RARB: variants seen among roughly 807,000 people sequenced by gnomAD.
RARB encodes retinoic acid receptor beta, also known as HBV-activated protein.
RARB carries 17 observed loss-of-function variants against 51.9 expected under a neutral mutation model. The ratio of observed to expected loss-of-function variants is 0.33; its 90% CI spans 0.22 to 0.49. The LOEUF is 0.49. Among genes scored for constraint, RARB ranks in the 20% least tolerant of loss-of-function variants. The probability of loss-of-function intolerance (pLI) is 0.99; values close to 1 mark genes in which losing one functional copy is unlikely to be tolerated. For missense variants in RARB, 369 were observed against 550.8 expected (o/e 0.67, Z 3.30); for synonymous variants, 215 against 195.4 (o/e 1.10, Z -0.84).
intron 5 of RARB, among the ~76,000 whole-genome samples, chr3:25,297,348 C>A (rs1291454791): frequency 2.0e-5 from 3 of 150,342 alleles, no homozygotes; most frequent in Non-Finnish European, 3.0e-5. Context: ...GCCCTACAAC[C>A]TTTCCCTCCC....
chr3:24,841,608 A>C (rs1575031671), intron 1 of RARB, among the ~76,000 whole-genome samples: 1 of 152,374 alleles, frequency 6.6e-6, no homozygotes, highest in East Asian at 1.9e-4. Flanking sequence ...ATTAGTAAAA[A>C]ACAAGTAGAC....
intron 2 of RARB, among the ~76,000 whole-genome samples, chr3:24,900,134 G>A (rs1703571162): frequency 6.6e-6 from 1 of 152,170 alleles, no homozygotes; most frequent in Admixed American, 6.5e-5. Flanking sequence ...GCATTTGAAT[G>A]TTTTTCTTAT....
chr3:25,466,907 C>G (rs1259065894), intron 2 of RARB, among the ~76,000 whole-genome samples: 1 of 152,226 alleles, frequency 6.6e-6, no homozygotes, highest in Non-Finnish European at 1.5e-5. Flanking sequence ...TGTTATTCTT[C>G]TTACAACTTC....
intron 5 of RARB, among the ~76,000 whole-genome samples, chr3:25,201,749 G>A (rs1701395956): frequency 2.0e-5 from 3 of 152,294 alleles, no homozygotes; most frequent in Admixed American, 6.5e-5. Flanking sequence ...GTTTTCGTAT[G>A]TTGAACCAGC....
chr3:25,204,210 T>G (rs1216424873), intron 5 of RARB, among the ~76,000 whole-genome samples: 7 of 152,236 alleles, frequency 4.6e-5, no homozygotes, highest in Non-Finnish European at 1.0e-4. Flanking sequence ...TTTCTTCCAG[T>G]TGATCGAATC....
intron 3 of RARB, among the ~76,000 whole-genome samples, chr3:25,117,101 T>C (rs879080737): frequency 6.6e-6 from 1 of 152,176 alleles, no homozygotes; most frequent in African/African-American, 2.4e-5. Flanking sequence ...GTTTTTTGAA[T>C]GCTTAAATGT....
intron 5 of RARB, among the ~76,000 whole-genome samples, chr3:25,342,621 G>A (rs564962491): frequency 2.6e-5 from 4 of 152,276 alleles, no homozygotes; most frequent in Non-Finnish European, 5.9e-5. Context: ...AACTGCCTAT[G>A]CCTGCACTAA....
chr3:25,148,599 T>C (rs1297961358), intron 4 of RARB, among the ~76,000 whole-genome samples: 1 of 152,218 alleles, frequency 6.6e-6, no homozygotes, highest in Non-Finnish European at 1.5e-5. Flanking sequence ...TGGAAGCGTG[T>C]GGTGCAGTGG....
chr3:25,172,262 C>T (rs1488167097), intron 4 of RARB, among the ~76,000 whole-genome samples: 1 of 152,124 alleles, frequency 6.6e-6, no homozygotes, highest in Non-Finnish European at 1.5e-5. Flanking sequence ...GTACAACCAG[C>T]ATAACAGGCG....
intron 5 of RARB, among the ~76,000 whole-genome samples, chr3:25,182,673 A>G (rs932686011): frequency 6.6e-6 from 1 of 152,202 alleles, no homozygotes; most frequent in Admixed American, 6.5e-5. Flanking sequence ...GTGTGGTGTC[A>G]GGTTCTATCT....
chr3:24,907,801 A>G (rs1028500230), intron 2 of RARB, among the ~76,000 whole-genome samples: 1 of 152,208 alleles, frequency 6.6e-6, no homozygotes, highest in Non-Finnish European at 1.5e-5. Context: ...TTTTAGCAGC[A>G]TTTCTCCATA....
At chr3:25,017,812 C>G (rs1273649189) in intron 2 of RARB, among the ~76,000 whole-genome samples, 3 of 152,092 alleles carry the variant, frequency 2.0e-5, no homozygotes, top group African/African-American at 7.2e-5. Context: ...TTTGCTTTCC[C>G]CCTACAAATT....
At chr3:25,168,510 G>T (rs944584447) in intron 4 of RARB, among the ~76,000 whole-genome samples, 1 of 152,082 alleles carries the variant, frequency 6.6e-6, no homozygotes, top group Non-Finnish European at 1.5e-5. Context: ...ACAGGCATAA[G>T]AAATCACACC....
upstream of RARB, among the ~76,000 whole-genome samples, chr3:25,425,213 C>A (rs192450910): frequency 6.6e-6 from 1 of 152,142 alleles, no homozygotes; most frequent in Admixed American, 6.6e-5. Flanking sequence ...CATTTCATTA[C>A]GGACAAATCG....
chr3:25,376,024 G>A (rs776872740), intron 5 of RARB, among the ~76,000 whole-genome samples: 5 of 152,182 alleles, frequency 3.3e-5, no homozygotes, highest in African/African-American at 4.8e-5. Flanking sequence ...GCTAATACAC[G>A]TAGAGCTCTT....
chr3:25,530,262 G>A (rs564401672), intron 3 of RARB, among the ~76,000 whole-genome samples: 4 of 152,330 alleles, frequency 2.6e-5, no homozygotes, highest in Non-Finnish European at 5.9e-5. Context: ...GGGAAGAAAT[G>A]GGTAAGAGGT....
rs116804009 is a variant in RARB at position 25,539,231 on chromosome 3, A to T, written c.449-30527A>T. ...CTACCTGGCAATGATCCTCTGGCAGACACATCAGTTACCATGGGAAGAATG... is the reference window on the plus strand; with the variant it reads ...CTACCTGGCAATGATCCTCTGGCAGTCACATCAGTTACCATGGGAAGAATG... On this transcript the variant is annotated intron_variant, in intron 3 of 7. Coordinates refer to ENST00000330688, the MANE Select transcript of RARB (RefSeq NM_000965.5). Among the ~76,000 whole-genome samples the T allele has an allele frequency of 3.1e-3, 467 of 152,340 alleles. 7 individuals carry two copies. Among genetic ancestry groups the T allele is most frequent in the African/African-American group, 0.011 (448 of 41,578 alleles).
At chr3:24,971,150 T>A (rs1407078273) in intron 2 of RARB, among the ~76,000 whole-genome samples, 1 of 151,994 alleles carries the variant, frequency 6.6e-6, no homozygotes, top group East Asian at 1.9e-4. Context: ...TGACATCTAT[T>A]GAAGGGTTAT....
At chr3:25,379,511 T>A (rs573135462) in intron 5 of RARB, among the ~76,000 whole-genome samples, 2 of 152,274 alleles carry the variant, frequency 1.3e-5, no homozygotes, top group East Asian at 3.9e-4. Flanking sequence ...TAGGAAGATT[T>A]AAGGATAAAA....
Sources: gnomAD v4.1 joint callset for allele counts (sites outside exome capture counted in the v4.1 genomes callset) on GRCh38, gnomAD v4.1.1 for gene constraint, MANE v1.5 for transcripts, NCBI Gene and HGNC (gene_info 2026-07-23, HGNC 2026-07-21) for gene names.